PATJ: variants seen among roughly 807,000 people sequenced by gnomAD.
PATJ encodes the protein PATJ crumbs cell polarity complex component.
In PATJ, 190 loss-of-function variants were observed where a neutral mutation model predicts 224.9. The ratio of observed to expected loss-of-function variants is 0.84; its 90% CI spans 0.75 to 0.95. The LOEUF (loss-of-function observed/expected upper bound fraction) is 0.95, where lower values mean the gene tolerates loss of function less well. Among genes scored for constraint, PATJ ranks in the 40% least tolerant of loss-of-function variants. PATJ has a pLI of 0.00. For synonymous variants in PATJ, 769 were observed against 820.3 expected (o/e 0.94, Z 1.07); for missense variants, 2,121 against 2,270.3 (o/e 0.93, Z 1.34).
intron 16 of PATJ, among the ~76,000 whole-genome samples, chr1:61,832,140 C>T (rs1187660588): frequency 2.0e-5 from 3 of 151,748 alleles, no homozygotes; most frequent in Non-Finnish European, 2.9e-5. Flanking sequence ...CACATGGACA[C>T]AAAGAAGAGA....
Position 62,161,050 on chromosome 1 carries a change from C to T in PATJ, c.5645C>T (p.Ser1882Leu). The change falls in exon 44 of 44, where the codon TCA becomes TTA. Residue 1882 changes from serine to leucine, a missense_variant. Coordinates refer to ENST00000642238, the MANE Select transcript of PATJ (RefSeq NM_001350145.3). ...QRGTVTLTVLS is the reference protein window; with the variant it reads ...QRGTVTLTVLL ...GGGACTGTAACCTTAACTGTGCTGT[C>T]ATGAGCCTCGGGCCTGATCACAAGA... The T allele has an allele frequency of 6.5e-7, 1 of 1,540,474 alleles. No homozygotes were observed. The highest frequency in any genetic ancestry group is 8.7e-7 in the Non-Finnish European group (1 of 1,144,352).
chr1:62,121,469 A>T (rs1295832012), intron 38 of PATJ, among the ~76,000 whole-genome samples, 174 bp downstream of exon 38: 2 of 152,090 alleles, frequency 1.3e-5, no homozygotes, highest in South Asian at 4.1e-4. Flanking sequence ...AGCCATAGAG[A>T]TTCCTTCAGT....
chr1:62,004,247 G>C (rs2149627192), intron 28 of PATJ, among the ~76,000 whole-genome samples: 1 of 152,294 alleles, frequency 6.6e-6, no homozygotes, highest in South Asian at 2.1e-4. Context: ...GACTTTCAGA[G>C]AATCTGGTAC....
At chr1:62,019,607 G>A (rs951939856) in intron 29 of PATJ, among the ~76,000 whole-genome samples, 1 of 151,894 alleles carries the variant, frequency 6.6e-6, no homozygotes, top group African/African-American at 2.4e-5. Context: ...TATTTTCAGA[G>A]AGTGAAAGCT....
Position 61,775,376 on chromosome 1 carries a change from T to G in PATJ, c.849+42T>G, listed in dbSNP as rs760115755. 19 of 1,558,476 alleles carry G rather than the reference T, an allele frequency of 1.2e-5. No individual in the cohort carries two copies. In the South Asian group the frequency reaches 2.1e-4, roughly 17 times the overall value. On this transcript the variant is annotated intron_variant, in intron 7 of 43. Transcript: ENST00000642238. ...TGTTATCATTTTGGTTTTATAAAAT[T>G]TAAGTTGTATGAATTGAAATGTAAT...
Position 61,791,446 on chromosome 1 carries a change from A to G in PATJ, c.1167A>G (p.Thr389=), listed in dbSNP as rs1240387326. 2.0e-6 allele frequency: 3 copies of G among 1,531,592 alleles called. No homozygotes were observed. The highest frequency in any genetic ancestry group is 3.4e-5 in the Admixed American group (2 of 58,974). The allele number at this position is 1,531,592 out of a possible 1,614,324, so 94.9% of individuals were successfully genotyped here. A position where few individuals can be genotyped will look rare whatever the true frequency, so the allele number is the denominator to read the frequency against. ...RIVGYVGTSH[T]GEASGIYVKS... The stretch of plus-strand genomic sequence containing the variant: ...TTGGCTATGTTGGAACATCTCATAC[A>G]GGTAAATGAATCATTTCTATTTTAT... Residue 389 remains threonine (T), a splice_region_variant and synonymous_variant, in exon 9 of 44, where the codon ACA becomes ACG. Transcript: ENST00000642238.
At position 61,823,844 on chromosome 1, in the gene PATJ, A is replaced by G. The variant is rs1657733179; in HGVS notation, c.1818+765A>G. On this transcript the variant is annotated intron_variant, in intron 15 of 43. Coordinates refer to ENST00000642238, the MANE Select transcript of PATJ (RefSeq NM_001350145.3). ...ATTTATTAGTAGTGTCCAGCCACCT[A>G]AAGGAGTATAATGGGAAGGATTCTG... 2.0e-5 allele frequency among the ~76,000 whole-genome samples: 3 copies of G among 152,236 alleles called. No homozygotes were observed. In the South Asian group the frequency reaches 6.2e-4, roughly 32 times the overall value.
At chr1:62,141,644 C>T (rs1667509086) in intron 41 of PATJ, among the ~76,000 whole-genome samples, 1 of 151,030 alleles carries the variant, frequency 6.6e-6, no homozygotes, top group African/African-American at 2.4e-5. Flanking sequence ...CACTGCACTC[C>T]AGCCTGGGCA....
intron 33 of PATJ, among the ~76,000 whole-genome samples, chr1:62,107,050 G>A (rs1008360835): frequency 4.0e-5 from 6 of 151,746 alleles, no homozygotes; most frequent in African/African-American, 1.5e-4. Context: ...GCTCACACCT[G>A]TAATCCCAGC....
chr1:62,012,795 T>C (rs957622093), intron 28 of PATJ, among the ~76,000 whole-genome samples: 2 of 152,246 alleles, frequency 1.3e-5, no homozygotes, highest in African/African-American at 4.8e-5. Flanking sequence ...TTATTTTTTT[T>C]TTCCCTAGCC....
chr1:62,017,162 TA>T (rs1646814792), intron 28 of PATJ, among the ~76,000 whole-genome samples: 1 of 152,182 alleles, frequency 6.6e-6, no homozygotes, highest in African/African-American at 2.4e-5. Flanking sequence ...TAACAATCAT[TA>T]GACTTACTTT....
chr1:61,853,932 G>T (rs1160088961), intron 17 of PATJ, among the ~76,000 whole-genome samples: 5 of 152,138 alleles, frequency 3.3e-5, no homozygotes, highest in Non-Finnish European at 7.4e-5. Flanking sequence ...TCTTGACTCG[G>T]GGGTAGAAAG....
intron 27 of PATJ, among the ~76,000 whole-genome samples, chr1:61,954,946 G>C (rs1272283863): frequency 1.3e-5 from 2 of 151,774 alleles, no homozygotes; most frequent in Admixed American, 6.6e-5. Flanking sequence ...GTAGAGACAG[G>C]GTTTCACCAT....
At chr1:62,093,423 A>G (rs1661022564) in intron 33 of PATJ, among the ~76,000 whole-genome samples, 1 of 152,130 alleles carries the variant, frequency 6.6e-6, no homozygotes. Context: ...TAAGTGTTTT[A>G]TTTTGTTATT....
At chr1:61,860,946 G>T (rs1169390826) in intron 18 of PATJ, among the ~76,000 whole-genome samples, 1 of 151,784 alleles carries the variant, frequency 6.6e-6, no homozygotes, top group Admixed American at 6.6e-5. Flanking sequence ...GCAAATTACT[G>T]TGTCCACTTT....
intron 41 of PATJ, among the ~76,000 whole-genome samples, chr1:62,136,721 T>C (rs1666942039): frequency 6.6e-6 from 1 of 151,698 alleles, no homozygotes; most frequent in Admixed American, 6.6e-5. Context: ...TGTTGTTTTT[T>C]TGAGACAGGG....
intron 31 of PATJ, among the ~76,000 whole-genome samples, chr1:62,074,498 A>G (rs954234933): frequency 1.3e-5 from 2 of 152,048 alleles, no homozygotes; most frequent in East Asian, 1.9e-4. Context: ...CAGTAGTGCA[A>G]TCATAGCTCA....
intron 7 of PATJ, among the ~76,000 whole-genome samples, chr1:61,781,137 T>G (rs897825397): frequency 3.3e-5 from 5 of 152,214 alleles, no homozygotes; most frequent in African/African-American, 1.2e-4. Context: ...AGCCCGTACC[T>G]GTTTGATTCT....
intron 32 of PATJ, 22 bp downstream of exon 32, chr1:62,079,589 G>T (rs752263210): frequency 2.7e-6 from 4 of 1,472,104 alleles, no homozygotes; most frequent in Non-Finnish European, 3.8e-6. Flanking sequence ...TCTCTCAGCA[G>T]ATCTGGCTCA....
Sources: allele counts gnomAD v4.1 joint callset (sites outside exome capture counted in the v4.1 genomes callset), GRCh38; gene constraint gnomAD v4.1.1; transcripts MANE v1.5; gene names NCBI Gene and HGNC (gene_info 2026-07-23, HGNC 2026-07-21).